Variants in SLC35F3 observed in about 807,000 individuals in gnomAD.
The protein encoded by SLC35F3 is putative thiamine transporter SLC35F3.
In SLC35F3, 25 loss-of-function variants were observed where a neutral mutation model predicts 49.9. The observed-to-expected ratio is 0.50, with a 90% confidence interval of 0.37 to 0.70. The LOEUF (loss-of-function observed/expected upper bound fraction) is 0.70. SLC35F3 is among the 30% of genes least tolerant of loss of function. The pLI is 0.00. For synonymous variants in SLC35F3, 275 were observed against 265.4 expected, an observed-to-expected ratio of 1.04 and a Z score of -0.35; for missense variants, 525 against 639.8, an observed-to-expected ratio of 0.82 and a Z score of 1.94.
intron 2 of SLC35F3, among the ~76,000 whole-genome samples, chr1:234,162,052 A>T (rs927655722): frequency 3.3e-5 from 5 of 151,830 alleles, no homozygotes; most frequent in African/African-American, 1.2e-4. Flanking sequence ...TCTAGGGCTC[A>T]CCCCTACCTC....
intron 2 of SLC35F3, among the ~76,000 whole-genome samples, chr1:234,161,645 C>T (rs539640964): frequency 3.9e-5 from 6 of 152,036 alleles, no homozygotes; most frequent in African/African-American, 1.4e-4. Flanking sequence ...ACAAAAAATA[C>T]GTATATAAAA....
At chr1:234,196,846 G>A (rs1347772208) in intron 2 of SLC35F3, among the ~76,000 whole-genome samples, 5 of 152,216 alleles carry the variant, frequency 3.3e-5, no homozygotes, top group Non-Finnish European at 7.3e-5. Flanking sequence ...GGAGGCTGAG[G>A]CAGGAGAATT....
chr1:234,049,979 A>G (rs1023765540), intron 2 of SLC35F3, among the ~76,000 whole-genome samples: 2 of 152,120 alleles, frequency 1.3e-5, no homozygotes, highest in Non-Finnish European at 2.9e-5. Flanking sequence ...ATCCTTTTTT[A>G]TGGCTGCATA....
Position 234,090,518 on chromosome 1 carries a change from T to C in SLC35F3, c.284-140899T>C, listed in dbSNP as rs561596190. On this transcript the variant is annotated intron_variant, in intron 2 of 7. Transcript: ENST00000366618. ...CAGAAATAAGGCTCGGGGGTACTTA[T>C]AGGAAAGTAGGCAGCATGGTCTAAA... Among the ~76,000 whole-genome samples, 4 of 152,310 alleles carry C rather than the reference T, an allele frequency of 2.6e-5. No individual in the cohort carries two copies. The East Asian group carries it at 5.8e-4, about 22-fold the overall frequency.
At chr1:234,090,587 A>G (rs1665028267) in intron 2 of SLC35F3, among the ~76,000 whole-genome samples, 2 of 152,224 alleles carry the variant, frequency 1.3e-5, no homozygotes, top group Non-Finnish European at 2.9e-5. Flanking sequence ...TGAGGTAATC[A>G]GGGTTTCTGT....
intron 3 of SLC35F3, among the ~76,000 whole-genome samples, chr1:234,306,117 C>T (rs183833155): frequency 2.0e-4 from 31 of 152,248 alleles, no homozygotes; most frequent in Admixed American, 2.0e-3. Context: ...CAATCAAGGA[C>T]GTACATGGGC....
rs1421565538 is a variant in SLC35F3, at chr1:234,127,142, G to A, written c.284-104275G>A. On this transcript the variant is annotated intron_variant, in intron 2 of 7. Coordinates refer to ENST00000366618, the MANE Select transcript of SLC35F3 (RefSeq NM_173508.4). ...CAGTAGTTTATTCCTTTTTATTGCT[G>A]CCTACTCATCTTTTAAGGTCCTTTA... 2.0e-5 allele frequency among the ~76,000 whole-genome samples: 3 copies of A among 152,104 alleles called. No individual in the cohort carries two copies. In the East Asian group the frequency reaches 5.8e-4, roughly 29 times the overall value.
At chr1:234,322,872 A>G (rs1426672481) in intron 7 of SLC35F3, 136 bp from the exon 8 acceptor site, 2 of 714,296 alleles carry the variant, frequency 2.8e-6, no homozygotes, top group East Asian at 2.7e-5. Context: ...ACAAAATCAT[A>G]CTGAGGAGAA....
At chr1:234,232,487 C>T (rs1667394544) in intron 3 of SLC35F3, among the ~76,000 whole-genome samples, 1 of 122,236 alleles carries the variant, frequency 8.2e-6, no homozygotes, top group Non-Finnish European at 1.6e-5. Context: ...CTTCTGTGGG[C>T]CATGTCATGG....
At chr1:233,949,148 G>A (rs527643268) in intron 2 of SLC35F3, among the ~76,000 whole-genome samples, 28 of 152,116 alleles carry the variant, frequency 1.8e-4, no homozygotes, top group Admixed American at 7.2e-4. Flanking sequence ...TTGTTCTCCC[G>A]TAATCTCACA....
intron 2 of SLC35F3, among the ~76,000 whole-genome samples, chr1:234,050,158 T>C (rs1364405187): frequency 6.6e-6 from 1 of 152,236 alleles, no homozygotes; most frequent in Non-Finnish European, 1.5e-5. Flanking sequence ...TACCCAGTAA[T>C]GGGATAGCTG....
intron 2 of SLC35F3, among the ~76,000 whole-genome samples, chr1:234,137,786 C>T (rs1425501288): frequency 6.6e-6 from 1 of 152,168 alleles, no homozygotes; most frequent in Non-Finnish European, 1.5e-5. Flanking sequence ...GCAGGAGAGA[C>T]AGGGTCTCCA....
intron 2 of SLC35F3, among the ~76,000 whole-genome samples, chr1:234,207,691 G>A (rs1180954441): frequency 1.3e-5 from 2 of 152,018 alleles, no homozygotes; most frequent in African/African-American, 2.4e-5. Context: ...TAAAAGTAGA[G>A]TTGCTTTGCA....
At chr1:234,171,480 A>G (rs952756595) in intron 2 of SLC35F3, among the ~76,000 whole-genome samples, 4 of 152,204 alleles carry the variant, frequency 2.6e-5, no homozygotes, top group African/African-American at 4.8e-5. Context: ...TGCAGTGCCA[A>G]TGTCTACTTT....
intron 2 of SLC35F3, among the ~76,000 whole-genome samples, chr1:234,205,530 T>C (rs548480638): frequency 1.3e-5 from 2 of 152,278 alleles, no homozygotes; most frequent in Admixed American, 1.3e-4. Context: ...TCCCTCCCAC[T>C]TGGAGAATCT....
chr1:234,300,040 AT>A (rs1343720618), intron 3 of SLC35F3, among the ~76,000 whole-genome samples: 1 of 151,332 alleles, frequency 6.6e-6, no homozygotes, highest in African/African-American at 2.4e-5. Context: ...CAGTAAAAAA[AT>A]ATAACTATGA....
At chr1:234,203,025 C>T (rs668507) in intron 2 of SLC35F3, among the ~76,000 whole-genome samples, 17 of 152,058 alleles carry the variant, frequency 1.1e-4, no homozygotes, top group African/African-American at 4.1e-4. Flanking sequence ...GGAATGGTTG[C>T]AGAAAACCAA....
intron 2 of SLC35F3, among the ~76,000 whole-genome samples, chr1:234,089,417 T>C (rs1333984638): frequency 6.6e-6 from 1 of 152,124 alleles, no homozygotes; most frequent in Non-Finnish European, 1.5e-5. Flanking sequence ...GCACAGGGAA[T>C]AGGAATGATA....
intron 2 of SLC35F3, among the ~76,000 whole-genome samples, chr1:234,171,601 C>G (rs1349591294): frequency 3.3e-5 from 5 of 152,140 alleles, no homozygotes; most frequent in Non-Finnish European, 4.4e-5. Context: ...TGCCCCAAGA[C>G]AGATGATACT....
Sources: gnomAD v4.1 joint callset for allele counts (sites outside exome capture counted in the v4.1 genomes callset) on GRCh38, gnomAD v4.1.1 for gene constraint, MANE v1.5 for transcripts, NCBI Gene and HGNC (gene_info 2026-07-23, HGNC 2026-07-21) for gene names.